The following LOC128092253 variants were observed in gnomAD, a reference collection of about 807,000 sequenced individuals.
chr6:133,968,180 G>C, the LOC128092253 span, among the ~76,000 whole-genome samples: 6 of 151,926 alleles, frequency 3.9e-5, no homozygotes, highest in Non-Finnish European at 7.4e-5. Context: ...GTAGGGACGG[G>C]GTTTCACCAT....
At chr6:133,979,807 C>T in the LOC128092253 span, among the ~76,000 whole-genome samples, 1 of 151,922 alleles carries the variant, frequency 6.6e-6, no homozygotes, top group South Asian at 2.1e-4. Context: ...CCATCATGCC[C>T]GGCTAATTTT....
chr6:133,968,327 T>C, the LOC128092253 span, among the ~76,000 whole-genome samples: 782 of 152,312 alleles, frequency 5.1e-3, 4 homozygotes, highest in African/African-American at 0.018. Flanking sequence ...ATCTGAAATA[T>C]TAAGAAATCT....
the LOC128092253 span, among the ~76,000 whole-genome samples, chr6:133,964,499 G>A: frequency 6.8e-6 from 1 of 147,944 alleles, no homozygotes; most frequent in East Asian, 2.0e-4. Flanking sequence ...CTCCCAGGCT[G>A]GAGTGCAGTG....
At chr6:133,962,947 T>G in the LOC128092253 span, among the ~76,000 whole-genome samples, 2 of 152,180 alleles carry the variant, frequency 1.3e-5, no homozygotes, top group Non-Finnish European at 2.9e-5. Context: ...CAAGAAAGCT[T>G]CTTCAGAATC....
chr6:133,969,354 AT>A, the LOC128092253 span, among the ~76,000 whole-genome samples: 3 of 146,068 alleles, frequency 2.1e-5, no homozygotes, highest in Admixed American at 7.1e-5. Context: ...CTTAATATAG[AT>A]TTTTTTAACC....
the LOC128092253 span, among the ~76,000 whole-genome samples, chr6:133,953,779 A>T: frequency 2.0e-5 from 3 of 152,044 alleles, no homozygotes; most frequent in Admixed American, 6.5e-5. Context: ...GGGAAAAGAG[A>T]TTCCTCATCT....
the LOC128092253 span, among the ~76,000 whole-genome samples, chr6:133,960,418 C>CTTTTTT: frequency 7.6e-6 from 1 of 131,592 alleles, no homozygotes; most frequent in African/African-American, 2.8e-5. Context: ...GCTGACCAGC[C>CTTTTTT]TTTTTTTTTT....
At chr6:133,957,987 A>G in the LOC128092253 span, among the ~76,000 whole-genome samples, 5 of 152,150 alleles carry the variant, frequency 3.3e-5, no homozygotes, top group Non-Finnish European at 7.4e-5. Flanking sequence ...CTTTCTGTTC[A>G]CTGACTATTG....
the LOC128092253 span, among the ~76,000 whole-genome samples, chr6:133,965,623 A>C: frequency 6.7e-6 from 1 of 150,326 alleles, no homozygotes; most frequent in African/African-American, 2.4e-5. Context: ...TTTTTTTTTT[A>C]ATTCACTGTT....
At chr6:133,967,764 G>C in the LOC128092253 span, among the ~76,000 whole-genome samples, 9 of 152,194 alleles carry the variant, frequency 5.9e-5, no homozygotes, top group Non-Finnish European at 1.2e-4. Flanking sequence ...GCACATGACT[G>C]TGTTTGAAAA....
chr6:133,979,709 C>T, the LOC128092253 span, among the ~76,000 whole-genome samples: 1 of 151,896 alleles, frequency 6.6e-6, no homozygotes, highest in African/African-American at 2.4e-5. Context: ...TGCAGTGGTA[C>T]GATCTCGGCT....
the LOC128092253 span, among the ~76,000 whole-genome samples, chr6:133,962,459 G>A: frequency 2.0e-5 from 3 of 152,132 alleles, no homozygotes; most frequent in Admixed American, 6.5e-5. Flanking sequence ...AATGAGAGAT[G>A]AAGGATGATT....
At chr6:133,961,984 G>T in the LOC128092253 span, among the ~76,000 whole-genome samples, 5 of 152,178 alleles carry the variant, frequency 3.3e-5, no homozygotes, top group South Asian at 4.2e-4. Context: ...GTGTCTACCC[G>T]CAGAGCTTGG....
At chr6:133,959,169 A>G in the LOC128092253 span, among the ~76,000 whole-genome samples, 149 of 152,142 alleles carry the variant, frequency 9.8e-4, 1 homozygote, top group South Asian at 8.7e-3. Flanking sequence ...ACACCCAAGT[A>G]GTTGGGATTA....
the LOC128092253 span, among the ~76,000 whole-genome samples, chr6:133,961,233 A>G: frequency 6.6e-6 from 1 of 152,204 alleles, no homozygotes; most frequent in East Asian, 1.9e-4. Context: ...TAATTCATCA[A>G]CTTTTTATTG....
the LOC128092253 span, among the ~76,000 whole-genome samples, chr6:133,971,727 G>A: frequency 6.6e-6 from 1 of 152,070 alleles, no homozygotes; most frequent in Non-Finnish European, 1.5e-5. Flanking sequence ...CCATTGGTAT[G>A]TCTTCTTTTG....
chr6:133,955,801 T>A, the LOC128092253 span, among the ~76,000 whole-genome samples: 1 of 152,222 alleles, frequency 6.6e-6, no homozygotes, highest in Non-Finnish European at 1.5e-5. Flanking sequence ...AAAAAAATTA[T>A]TCTTAAAATC....
chr6:133,977,143 C>T, the LOC128092253 span, among the ~76,000 whole-genome samples: 2 of 151,940 alleles, frequency 1.3e-5, no homozygotes, highest in Non-Finnish European at 2.9e-5. Context: ...GCAAGTGGAC[C>T]TTTTTTCATG....
At chr6:133,956,150 T>C in the LOC128092253 span, among the ~76,000 whole-genome samples, 1 of 152,222 alleles carries the variant, frequency 6.6e-6, no homozygotes, top group African/African-American at 2.4e-5. Flanking sequence ...GACCATGTGA[T>C]GAAATTATTG....
Sources: allele counts gnomAD v4.1 joint callset (sites outside exome capture counted in the v4.1 genomes callset), GRCh38; gene constraint gnomAD v4.1.1; transcripts MANE v1.5.